GATAD2B: variants seen among roughly 807,000 people sequenced by gnomAD.
GATAD2B encodes GATA zinc finger domain containing 2B, also known as transcriptional repressor p66-beta.
In GATAD2B, 8 loss-of-function variants were observed where a neutral mutation model predicts 64.3. The ratio of observed to expected loss-of-function variants is 0.12; its 90% CI spans 0.07 to 0.22. The LOEUF (loss-of-function observed/expected upper bound fraction) is 0.22. GATAD2B is among the 10% of genes least tolerant of loss of function. The pLI is 1.00. For missense variants in GATAD2B, 453 were observed against 752.0 expected, an observed-to-expected ratio of 0.60 and a Z score of 4.65; for synonymous variants, 281 against 271.3, an observed-to-expected ratio of 1.04 and a Z score of -0.35.
chr1:153,833,165 C>A (rs1159080450), intron 1 of GATAD2B, among the ~76,000 whole-genome samples: 1 of 152,120 alleles, frequency 6.6e-6, no homozygotes, highest in Non-Finnish European at 1.5e-5. Context: ...TATGATTGCA[C>A]CTGTGAATAG....
chr1:153,899,010 A>C (rs1018684803), intron 1 of GATAD2B: 1 of 152,226 alleles, frequency 6.6e-6, no homozygotes, highest in Non-Finnish European at 1.5e-5. Flanking sequence ...TGAGGACAAG[A>C]AATCAGATTA....
At chr1:153,859,505 A>G (rs928057092) in intron 1 of GATAD2B, among the ~76,000 whole-genome samples, 17 of 151,900 alleles carry the variant, frequency 1.1e-4, no homozygotes, top group Non-Finnish European at 2.1e-4. Context: ...CCCTGTCTCT[A>G]CTAAAAATAC....
In GATAD2B at chr1:153,852,182, C is replaced by CA. The variant is rs200103564; in HGVS notation, c.-1-23835dup. The stretch of plus-strand genomic sequence containing the variant: ...CTTTGGTCCTAAGCATTCTGAGACT[C>CA]AGTCAGTTGAGGGTGAAAGGGACCT... On this transcript the variant is annotated intron_variant, in intron 1 of 10. Transcript: ENST00000368655. 56 of 873,774 alleles carry CA rather than the reference C, an allele frequency of 6.4e-5. No individual in the cohort carries two copies. In the East Asian group the frequency reaches 1.1e-3, roughly 17 times the overall value. The allele number at this position is 873,774 out of a possible 1,614,324, so 54.1% of individuals were successfully genotyped here.
chr1:153,830,683 G>A (rs1274684392), intron 1 of GATAD2B, among the ~76,000 whole-genome samples: 2 of 150,494 alleles, frequency 1.3e-5, no homozygotes, highest in Non-Finnish European at 3.0e-5. Context: ...CACTGTTTTA[G>A]CCGGGATGGT....
At chr1:153,855,658 A>G (rs4309017) in intron 1 of GATAD2B, among the ~76,000 whole-genome samples, 127,403 of 152,104 alleles carry the variant, frequency 0.84, 53,794 homozygotes, top group Admixed American at 0.89. Context: ...TCAAGGTATG[A>G]GTATGGCTCC....
intron 1 of GATAD2B, among the ~76,000 whole-genome samples, chr1:153,878,134 A>G (rs1166855030): frequency 6.6e-6 from 1 of 150,988 alleles, no homozygotes; most frequent in Non-Finnish European, 1.5e-5. Flanking sequence ...AAGCAGAACA[A>G]CCATTGTGGT....
At chr1:153,831,918 G>A (rs1243192385) in intron 1 of GATAD2B, among the ~76,000 whole-genome samples, 1 of 152,114 alleles carries the variant, frequency 6.6e-6, no homozygotes, top group Non-Finnish European at 1.5e-5. Context: ...CAGATACTTT[G>A]TTAAAGGAAA....
intron 1 of GATAD2B, among the ~76,000 whole-genome samples, chr1:153,892,914 T>A (rs1256182280): frequency 1.9e-4 from 29 of 152,088 alleles, no homozygotes; most frequent in African/African-American, 6.3e-4. Context: ...AAGCTGATCT[T>A]GAACTCCTGA....
At chr1:153,871,802 T>C (rs1042433963) in intron 1 of GATAD2B, among the ~76,000 whole-genome samples, 8 of 152,044 alleles carry the variant, frequency 5.3e-5, no homozygotes, top group Non-Finnish European at 1.0e-4. Context: ...GTTAATTCTT[T>C]AGCAGGGCAT....
At chr1:153,874,748 T>G (rs541764529) in intron 1 of GATAD2B, among the ~76,000 whole-genome samples, 43 of 150,478 alleles carry the variant, frequency 2.9e-4, no homozygotes, top group African/African-American at 1.0e-3. Context: ...AGCTAATTTT[T>G]GTATTTTTAG....
At chr1:153,864,690 C>CA (rs1386537156) in intron 1 of GATAD2B, among the ~76,000 whole-genome samples, 6 of 152,096 alleles carry the variant, frequency 3.9e-5, no homozygotes, top group African/African-American at 1.4e-4. Flanking sequence ...AAAGCAACAA[C>CA]AAAAAACCAA....
At position 153,870,586 on chromosome 1, in the gene GATAD2B, A is replaced by T. The variant is rs577429781; in HGVS notation, c.-1-42238T>A. Among the ~76,000 whole-genome samples the T allele has an allele frequency of 3.6e-4, 55 of 152,248 alleles. No individual in the cohort carries two copies. In the South Asian group the frequency reaches 9.3e-3, roughly 26 times the overall value. On this transcript the variant is annotated intron_variant, in intron 1 of 10. Coordinates refer to ENST00000368655, the MANE Select transcript of GATAD2B (RefSeq NM_020699.4). ...AGACTCCGTCTCAAAAAAAAGGAAA[A>T]AATCCAAAGTACTTCAAAATGTGAA...
rs1405150386 is a variant in GATAD2B at position 153,818,166 on chromosome 1, T to C, written c.603A>G (p.Pro201=). The change falls in exon 5 of 11, where the codon CCA becomes CCG. Residue 201 remains proline (P), a synonymous_variant. Transcript: ENST00000368655. The part of the protein sequence containing the change: ...LQKENVVQKT[P]VVQNAASIVQ... ...CAATAGATGCTGCATTCTGTACAAC[T>C]GGAGTCTGGGAGAGGGAAGAGAAAA... 1 of 1,603,468 alleles carries C rather than the reference T, an allele frequency of 6.2e-7. No homozygotes were observed. Among genetic ancestry groups the C allele is most frequent in the Non-Finnish European group, 8.5e-7 (1 of 1,175,250 alleles).
intron 1 of GATAD2B, among the ~76,000 whole-genome samples, chr1:153,904,687 G>T (rs558298655): frequency 2.0e-5 from 3 of 151,922 alleles, no homozygotes; most frequent in East Asian, 3.9e-4. Flanking sequence ...GACTATAGGC[G>T]TGTGCCACCA....
At chr1:153,906,098 C>A (rs1336721417) in intron 1 of GATAD2B, among the ~76,000 whole-genome samples, 1 of 149,638 alleles carries the variant, frequency 6.7e-6, no homozygotes, top group Admixed American at 6.7e-5. Context: ...CTCCCCCGCA[C>A]CCCACACACA....
intron 10 of GATAD2B, among the ~76,000 whole-genome samples, chr1:153,810,652 C>T (rs1181862778): frequency 3.9e-5 from 6 of 152,072 alleles, no homozygotes; most frequent in Non-Finnish European, 8.8e-5. Context: ...GATGGGGTTT[C>T]ACCATGTTGG....
chr1:153,863,404 G>A (rs778342936), intron 1 of GATAD2B, among the ~76,000 whole-genome samples: 45 of 151,518 alleles, frequency 3.0e-4, no homozygotes, highest in Middle Eastern at 3.4e-3. Flanking sequence ...GCTGAGGCAG[G>A]AGAATCACTT....
chr1:153,871,077 G>T (rs893777719), intron 1 of GATAD2B, among the ~76,000 whole-genome samples: 1 of 147,110 alleles, frequency 6.8e-6, no homozygotes, highest in Non-Finnish European at 1.5e-5. Flanking sequence ...TTTGTTTTTT[G>T]TTTTTTTTTG....
At chr1:153,900,067 T>C (rs1000122103) in intron 1 of GATAD2B, among the ~76,000 whole-genome samples, 1 of 152,154 alleles carries the variant, frequency 6.6e-6, no homozygotes, top group Non-Finnish European at 1.5e-5. Flanking sequence ...TGAAATATTA[T>C]ACAGTCACTA....
Sources: allele counts gnomAD v4.1 joint callset (sites outside exome capture counted in the v4.1 genomes callset), GRCh38; gene constraint gnomAD v4.1.1; transcripts MANE v1.5; gene names NCBI Gene and HGNC (gene_info 2026-07-23, HGNC 2026-07-21).